Variants in FAM171B observed in about 807,000 individuals in gnomAD.
The protein encoded by FAM171B is family with sequence similarity 171 member B, also known as protein FAM171B.
A neutral mutation model predicts 75.6 loss-of-function variants in FAM171B; 19 were observed. That is an observed-to-expected ratio of 0.25 (90% CI 0.18 to 0.37). The LOEUF is 0.37. Ranked by LOEUF, FAM171B falls within the 10% of genes least tolerant of loss-of-function variation. FAM171B has a pLI of 1.00. For missense variants in FAM171B, 848 were observed against 982.4 expected (o/e 0.86, Z 1.83); for synonymous variants, 367 against 361.7 (o/e 1.01, Z -0.17).
chr2:186,734,741 C>T (rs537010236), intron 1 of FAM171B, among the ~76,000 whole-genome samples: 10 of 152,308 alleles, frequency 6.6e-5, no homozygotes, highest in South Asian at 4.1e-4. Flanking sequence ...GAGGGGTACC[C>T]GCAATCCTGT....
At chr2:186,741,049 A>G (rs928529562) in intron 2 of FAM171B, among the ~76,000 whole-genome samples, 2 of 152,194 alleles carry the variant, frequency 1.3e-5, no homozygotes, top group Admixed American at 6.5e-5. Flanking sequence ...TACAAAATTA[A>G]GAGTGAGTGA....
At chr2:186,753,054 C>T (rs898844170) in intron 5 of FAM171B, among the ~76,000 whole-genome samples, 4 of 152,124 alleles carry the variant, frequency 2.6e-5, no homozygotes, top group Non-Finnish European at 5.9e-5. Flanking sequence ...TATATTTAAT[C>T]AGAATATCAG....
intron 1 of FAM171B, among the ~76,000 whole-genome samples, chr2:186,721,304 G>A (rs1451017143): frequency 6.6e-6 from 1 of 152,128 alleles, no homozygotes; most frequent in Non-Finnish European, 1.5e-5. Flanking sequence ...TGTGTAGCCA[G>A]GGTTGAGAAT....
chr2:186,752,996 G>C (rs947931091), intron 5 of FAM171B, among the ~76,000 whole-genome samples: 5 of 152,030 alleles, frequency 3.3e-5, no homozygotes, highest in Non-Finnish European at 7.4e-5. Context: ...AATACCAACA[G>C]TACTAGACCG....
chr2:186,736,828 C>T (rs1690210049), intron 1 of FAM171B, among the ~76,000 whole-genome samples: 1 of 151,862 alleles, frequency 6.6e-6, no homozygotes, highest in African/African-American at 2.4e-5. Flanking sequence ...TATTGAGGCT[C>T]AGTCAACATT....
At chr2:186,734,183 T>TA (rs1244829566) in intron 1 of FAM171B, among the ~76,000 whole-genome samples, 4 of 152,124 alleles carry the variant, frequency 2.6e-5, no homozygotes, top group African/African-American at 9.7e-5. Context: ...CCGAAGTGGG[T>TA]AGCTCCTTCC....
chr2:186,737,329 C>A (rs142393168), intron 1 of FAM171B, among the ~76,000 whole-genome samples: 1 of 152,296 alleles, frequency 6.6e-6, no homozygotes, highest in East Asian at 1.9e-4. Flanking sequence ...CTTTAGTTTT[C>A]ATTTTCCTCA....
At chr2:186,745,295 G>C (rs1690350764) in intron 3 of FAM171B, among the ~76,000 whole-genome samples, 1 of 152,168 alleles carries the variant, frequency 6.6e-6, no homozygotes, top group Admixed American at 6.5e-5. Context: ...TGTTTGTTTT[G>C]ATGCATCTCT....
At chr2:186,724,969 A>G (rs1690008997) in intron 1 of FAM171B, among the ~76,000 whole-genome samples, 1 of 152,220 alleles carries the variant, frequency 6.6e-6, no homozygotes, top group South Asian at 2.1e-4. Flanking sequence ...CTTATGTTTC[A>G]TCAGCTTATG....
At chr2:186,725,673 C>T (rs1690022447) in intron 1 of FAM171B, among the ~76,000 whole-genome samples, 1 of 152,168 alleles carries the variant, frequency 6.6e-6, no homozygotes, top group South Asian at 2.1e-4. Context: ...GCAGTGGTGA[C>T]CAGTGTTTTT....
At chr2:186,700,929 T>C (rs1689651309) in intron 1 of FAM171B, among the ~76,000 whole-genome samples, 1 of 152,160 alleles carries the variant, frequency 6.6e-6, no homozygotes, top group Non-Finnish European at 1.5e-5. Flanking sequence ...TTTAACTTTT[T>C]TTTTTCATAC....
rs142259722 is a variant in FAM171B at position 186,729,452 on chromosome 2, G to T, written c.239-10776G>T. Among the ~76,000 whole-genome samples the T allele has an allele frequency of 7.2e-5, 11 of 152,060 alleles. 1 individual carries two copies. In the East Asian group the frequency reaches 2.1e-3, roughly 29 times the overall value. On this transcript the variant is annotated intron_variant, in intron 1 of 7. Coordinates refer to ENST00000304698, the MANE Select transcript of FAM171B (RefSeq NM_177454.4). Reference sequence around the variant, plus strand: ...CCAAAGTATTTTTTTTTTTCTGGAGGAGAGAACTGGTAGAGGATTATTAGG... The same window carrying T: ...CCAAAGTATTTTTTTTTTTCTGGAGTAGAGAACTGGTAGAGGATTATTAGG...
chr2:186,746,565 G>A (rs1690367449), intron 3 of FAM171B, among the ~76,000 whole-genome samples: 1 of 152,156 alleles, frequency 6.6e-6, no homozygotes, highest in Non-Finnish European at 1.5e-5. Flanking sequence ...TTTGAATGCT[G>A]CCTCGATTTT....
At chr2:186,701,319 A>G (rs778765701) in intron 1 of FAM171B, among the ~76,000 whole-genome samples, 6 of 152,208 alleles carry the variant, frequency 3.9e-5, no homozygotes, top group Non-Finnish European at 7.3e-5. Flanking sequence ...ACAAATTAAC[A>G]TATCCATCCT....
intron 1 of FAM171B, among the ~76,000 whole-genome samples, chr2:186,697,039 G>GATGGATGA (rs1553508595): frequency 5.3e-5 from 8 of 151,588 alleles, no homozygotes; most frequent in African/African-American, 1.9e-4. Context: ...TGGATGGATG[G>GATGGATGA]ATGAATGAAT....
intron 1 of FAM171B, among the ~76,000 whole-genome samples, chr2:186,726,526 G>A (rs184012212): frequency 2.8e-4 from 43 of 152,122 alleles, no homozygotes; most frequent in Non-Finnish European, 4.9e-4. Flanking sequence ...CTCCTTCGTT[G>A]TCCTCTACTC....
chr2:186,703,063 G>A (rs1379173101), intron 1 of FAM171B, among the ~76,000 whole-genome samples: 2 of 128,616 alleles, frequency 1.6e-5, no homozygotes, highest in Admixed American at 8.0e-5. Context: ...ATGTGTGTGT[G>A]TATATATATA....
rs1206255527 is a variant in FAM171B at position 186,740,596 on chromosome 2, G to T, written c.472+135G>T. On this transcript the variant is annotated intron_variant, in intron 2 of 7. Transcript: ENST00000304698. Reference sequence around the variant, plus strand: ...GTCAACATAAGGAGGTTACAAGGGAGTGCTACTTTGAAGAAAACATTGTCT... The same window carrying T: ...GTCAACATAAGGAGGTTACAAGGGATTGCTACTTTGAAGAAAACATTGTCT... 4.2e-6 allele frequency: 3 copies of T among 711,092 alleles called. No individual in the cohort carries two copies. The East Asian group carries it at 8.2e-5, about 19-fold the overall frequency. The allele number at this position is 711,092 out of a possible 1,614,324, so 44.0% of individuals were successfully genotyped here.
intron 1 of FAM171B, among the ~76,000 whole-genome samples, chr2:186,728,237 T>A (rs1246480939): frequency 1.3e-5 from 2 of 152,248 alleles, no homozygotes; most frequent in Non-Finnish European, 2.9e-5. Context: ...ATATTCTAAA[T>A]TAATTTCTAC....
Sources: gnomAD v4.1 joint callset for allele counts (sites outside exome capture counted in the v4.1 genomes callset) on GRCh38, gnomAD v4.1.1 for gene constraint, MANE v1.5 for transcripts, NCBI Gene and HGNC (gene_info 2026-07-23, HGNC 2026-07-21) for gene names.